FCRL1: variants seen among roughly 807,000 people sequenced by gnomAD.
The protein encoded by FCRL1 is Fc receptor like 1, also known as Fc receptor-like protein 1.
In FCRL1, 34 loss-of-function variants were observed where a neutral mutation model predicts 49.2. That is an observed-to-expected ratio of 0.69 (90% CI 0.53 to 0.92). FCRL1 has a LOEUF of 0.92. Among genes scored for constraint, FCRL1 ranks in the 40% least tolerant of loss-of-function variants. The pLI is 0.00. For missense variants in FCRL1, 524 were observed against 524.1 expected (o/e 1.00, Z 0.00); for synonymous variants, 218 against 201.6 (o/e 1.08, Z -0.69).
intron 3 of FCRL1, 83 bp downstream of exon 3, chr1:157,803,762 A>T (rs1454181725): frequency 1.3e-6 from 2 of 1,512,168 alleles, no homozygotes; most frequent in Admixed American, 2.0e-5. Flanking sequence ...TCTTGCAGAG[A>T]TAGAACCCAT....
At chr1:157,813,582 C>T (rs1037153525) in intron 1 of FCRL1, among the ~76,000 whole-genome samples, 24 of 152,074 alleles carry the variant, frequency 1.6e-4, no homozygotes, top group African/African-American at 5.8e-4. Context: ...AGAAAGCCTA[C>T]AGGACTTATG....
intron 2 of FCRL1, 117 bp from the exon 3 acceptor site, chr1:157,804,228 G>T: frequency 7.7e-7 from 1 of 1,290,480 alleles, no homozygotes; most frequent in Admixed American, 2.1e-5. Flanking sequence ...GGACACACAG[G>T]CCACCCTACA....
chr1:157,804,246 A>AC (rs58174605), intron 2 of FCRL1, 135 bp from the exon 3 acceptor site: 16,655 of 733,858 alleles, frequency 0.023, 82 homozygotes, highest in African/African-American at 0.06. Flanking sequence ...ACATGTCTCC[A>AC]CCCCCCCCCC....
At chr1:157,807,279 C>A (rs2101870383) in intron 1 of FCRL1, among the ~76,000 whole-genome samples, 157 bp from the exon 2 acceptor site, 1 of 151,978 alleles carries the variant, frequency 6.6e-6, no homozygotes, top group African/African-American at 2.4e-5. Flanking sequence ...TCTCTCTTCT[C>A]CCCTTCCTTC....
At chr1:157,815,619 A>G (rs1329568759) in intron 1 of FCRL1, among the ~76,000 whole-genome samples, 1 of 151,936 alleles carries the variant, frequency 6.6e-6, no homozygotes, top group African/African-American at 2.4e-5. Flanking sequence ...GGCAGAAATA[A>G]ATGAAATAGA....
chr1:157,809,956 A>G (rs1351831671), intron 1 of FCRL1, among the ~76,000 whole-genome samples: 1 of 151,788 alleles, frequency 6.6e-6, no homozygotes, highest in East Asian at 1.9e-4. Flanking sequence ...AAAGAAACTG[A>G]AAAGTAGCAG....
intron 5 of FCRL1, 126 bp downstream of exon 5, chr1:157,801,789 C>A (rs1652515541): frequency 1.7e-6 from 2 of 1,148,676 alleles, no homozygotes; most frequent in Non-Finnish European, 2.5e-6. Flanking sequence ...TCACTCATGA[C>A]AGCACCTCAC....
At chr1:157,801,099 C>G (rs1652381136) in intron 6 of FCRL1, among the ~76,000 whole-genome samples, 1 of 152,102 alleles carries the variant, frequency 6.6e-6, no homozygotes, top group Admixed American at 6.5e-5. Flanking sequence ...ACCATGTTGG[C>G]CAGGATGGTC....
chr1:157,816,485 C>T (rs1386216616), intron 1 of FCRL1, among the ~76,000 whole-genome samples: 1 of 151,882 alleles, frequency 6.6e-6, no homozygotes, highest in Non-Finnish European at 1.5e-5. Context: ...TAGCTAATAT[C>T]ATACTGAATG....
chr1:157,810,307 T>A (rs1654123069), intron 1 of FCRL1, among the ~76,000 whole-genome samples: 1 of 151,540 alleles, frequency 6.6e-6, no homozygotes, highest in African/African-American at 2.4e-5. Context: ...TTTCTTTTTT[T>A]TTTTTTTAAG....
intron 1 of FCRL1, among the ~76,000 whole-genome samples, chr1:157,819,664 G>A (rs1208511405): frequency 6.6e-6 from 1 of 152,060 alleles, no homozygotes; most frequent in Non-Finnish European, 1.5e-5. Flanking sequence ...AACGTTGGTA[G>A]TAAGAAGGGC....
chr1:157,812,913 G>A (rs544476914), intron 1 of FCRL1, among the ~76,000 whole-genome samples: 109 of 152,256 alleles, frequency 7.2e-4, no homozygotes, highest in African/African-American at 2.3e-3. Flanking sequence ...ACTGAGAACT[G>A]TAGCAATCTA....
In FCRL1 at chr1:157,795,921, G is replaced by C. The variant is rs1651393862; in HGVS notation, c.*178C>G. 1.2e-5 allele frequency: 7 copies of C among 572,970 alleles called. No homozygotes were observed. The highest frequency in any genetic ancestry group is 1.2e-4 in the Admixed American group (4 of 34,110). The allele number at this position is 572,970 out of a possible 1,614,324, so 35.5% of individuals were successfully genotyped here. ...CTCCTGTGTCTATTAGTTCTCCTAG[G>C]TAGTTTCTTCAGGGCTGCGCCAACT... On this transcript the variant is annotated 3_prime_UTR_variant, in exon 11 of 11. Transcript: ENST00000368176.
At chr1:157,802,791 G>T in intron 3 of FCRL1, 127 bp from the exon 4 acceptor site, 1 of 975,664 alleles carries the variant, frequency 1.0e-6, no homozygotes, top group Non-Finnish European at 1.5e-6. Flanking sequence ...CTTAATTTGG[G>T]TGAGGTGGGG....
chr1:157,804,489 A>G (rs1653081036), intron 2 of FCRL1, among the ~76,000 whole-genome samples: 1 of 152,182 alleles, frequency 6.6e-6, no homozygotes, highest in South Asian at 2.1e-4. Context: ...GTTTTATTCA[A>G]AGTGAATATG....
intron 1 of FCRL1, among the ~76,000 whole-genome samples, chr1:157,818,078 A>G (rs1334447845): frequency 1.3e-5 from 2 of 152,210 alleles, no homozygotes; most frequent in Admixed American, 1.3e-4. Context: ...TAGAACAGCC[A>G]TTATGGAAGA....
chr1:157,808,008 C>G (rs537896233), intron 1 of FCRL1, among the ~76,000 whole-genome samples: 1 of 152,264 alleles, frequency 6.6e-6, no homozygotes, highest in East Asian at 1.9e-4. Context: ...TTTAGCCAAG[C>G]TTGGTTTGAG....
At chr1:157,817,988 CA>C (rs1472040126) in intron 1 of FCRL1, among the ~76,000 whole-genome samples, 2 of 151,944 alleles carry the variant, frequency 1.3e-5, no homozygotes, top group Non-Finnish European at 2.9e-5. Context: ...TGACTATAAT[CA>C]AAAAGACCAA....
At position 157,807,011 on chromosome 1, in the gene FCRL1, G is replaced by A. The variant is rs1297234825; in HGVS notation, c.52+91C>T. Reference sequence around the variant, plus strand: ...CCTGATATGTTTTGGGCAGGAAGGGGCTGCTAAGACAGCAATCTGCAGGCC... The same window carrying A: ...CCTGATATGTTTTGGGCAGGAAGGGACTGCTAAGACAGCAATCTGCAGGCC... On this transcript the variant is annotated intron_variant, in intron 2 of 10. Transcript: ENST00000368176. 61 of 1,431,490 alleles carry A rather than the reference G, an allele frequency of 4.3e-5. 1 individual carries two copies. The highest frequency in any genetic ancestry group is 3.6e-4 in the Middle Eastern group (2 of 5,630). 88.7% of individuals were successfully genotyped at this position (1,431,490 alleles called of 1,614,324 possible).
Sources: gnomAD v4.1 joint callset for allele counts (sites outside exome capture counted in the v4.1 genomes callset) on GRCh38, gnomAD v4.1.1 for gene constraint, MANE v1.5 for transcripts, NCBI Gene and HGNC (gene_info 2026-07-23, HGNC 2026-07-21) for gene names.